Variants in CTBP1 observed in about 807,000 individuals in gnomAD.
The protein encoded by CTBP1 is C-terminal binding protein 1, also known as C-terminal-binding protein 1.
A neutral mutation model predicts 42.1 loss-of-function variants in CTBP1; 11 were observed. The observed-to-expected ratio is 0.26, with a 90% CI of 0.16 to 0.43. CTBP1 has a LOEUF of 0.43. CTBP1 is among the 20% of genes least tolerant of loss of function. CTBP1 has a pLI of 1.00. For missense variants in CTBP1, 399 were observed against 624.3 expected, an observed-to-expected ratio of 0.64 and a Z score of 3.85; for synonymous variants, 324 against 277.1, an observed-to-expected ratio of 1.17 and a Z score of -1.68.
chr4:1,216,876 C>G (rs1411111033), intron 5 of CTBP1: 1 of 155,776 alleles, frequency 6.4e-6, no homozygotes, highest in Non-Finnish European at 1.4e-5. Flanking sequence ...AGTGCTCGTG[C>G]CCACTGTGAG....
upstream of CTBP1, chr4:1,250,109 A>G (rs188651742): frequency 2.8e-4 from 45 of 163,212 alleles, no homozygotes; most frequent in Non-Finnish European, 1.8e-4. Flanking sequence ...GCATAATTTC[A>G]GAAACCACGG....
chr4:1,228,473 G>A, intron 3 of CTBP1, 130 bp from the exon 4 acceptor site: 1 of 1,148,298 alleles, frequency 8.7e-7, no homozygotes, highest in Non-Finnish European at 1.2e-6. Flanking sequence ...CACCAGCCCG[G>A]ACACTGGGAG....
intron 5 of CTBP1, chr4:1,216,645 G>A (rs1329404941): frequency 4.2e-6 from 1 of 236,746 alleles, no homozygotes; most frequent in East Asian, 1.1e-4. Flanking sequence ...ACTACGTGGA[G>A]ACGGCAAAGG....
chr4:1,212,691 A>C (rs531337218), intron 9 of CTBP1: 2 of 612,258 alleles, frequency 3.3e-6, no homozygotes, highest in East Asian at 5.6e-5. Flanking sequence ...TGCCCATGGC[A>C]CTCCTGTGTC....
chr4:1,243,760 C>G, intron 1 of CTBP1: 1 of 985,434 alleles, frequency 1.0e-6, no homozygotes, highest in Non-Finnish European at 1.2e-6. Context: ...CCACACACTC[C>G]GAGGTGAAGG....
chr4:1,240,861 A>T (rs1732105665), intron 2 of CTBP1, among the ~76,000 whole-genome samples: 1 of 152,136 alleles, frequency 6.6e-6, no homozygotes, highest in Non-Finnish European at 1.5e-5. Flanking sequence ...CAGGCTTTGC[A>T]GCATCCCCCA....
intron 5 of CTBP1, among the ~76,000 whole-genome samples, chr4:1,219,544 C>T (rs550790701): frequency 3.3e-5 from 5 of 152,332 alleles, no homozygotes; most frequent in South Asian, 4.1e-4. Context: ...CACATCAACA[C>T]GGTAACACCC....
At chr4:1,223,373 G>C in intron 5 of CTBP1, 1 of 449,768 alleles carries the variant, frequency 2.2e-6, no homozygotes, top group Non-Finnish European at 4.5e-6. Context: ...TCCAGGAAGA[G>C]ACAGGCACGT....
chr4:1,214,218 T>G (rs1728855399), intron 7 of CTBP1, 125 bp downstream of exon 7: 2 of 1,281,892 alleles, frequency 1.6e-6, no homozygotes, highest in Non-Finnish European at 2.0e-6. Flanking sequence ...ACTCCCCCAC[T>G]GCTGGCCAGC....
At chr4:1,248,863 C>CGCCCCGCCCCG (rs1314944491) in intron 1 of CTBP1, 53 bp downstream of exon 1, 1 of 889,722 alleles carries the variant, frequency 1.1e-6, no homozygotes, top group African/African-American at 1.9e-5. Flanking sequence ...GCGCGGCACC[C>CGCCCCGCCCCG]GCCCCGCCCC....
At chr4:1,218,816 A>T (rs890311475) in intron 5 of CTBP1, among the ~76,000 whole-genome samples, 1 of 152,174 alleles carries the variant, frequency 6.6e-6, no homozygotes, top group African/African-American at 2.4e-5. Flanking sequence ...AAAAAGCAAC[A>T]ACAGATGCAA....
rs927351378 is a variant in CTBP1 at position 1,245,135 on chromosome 4, G to A, written c.-188-3616C>T. On this transcript the variant is annotated intron_variant, in intron 1 of 9. Coordinates refer to ENST00000382952, the MANE Select transcript of CTBP1 (RefSeq NM_001012614.2). ...AGCACCCCAGACAGACACTGCCCAA[G>A]TCATCCACGAGCCGATACGGCACCT... 31 of 985,280 alleles carry A rather than the reference G, an allele frequency of 3.1e-5. No individual in the cohort carries two copies. In the African/African-American group the frequency reaches 4.7e-4, roughly 15 times the overall value. 61.0% of individuals were successfully genotyped at this position (985,280 alleles called of 1,614,324 possible).
rs563865952 is a variant in CTBP1, at chr4:1,228,132, A to G, written c.307+67T>C. ...TCCTCAGTGTGGCAGTGAAGCCTCC[A>G]TGGACGAAGCAAGACGGGACGGAGC... On this transcript the variant is annotated intron_variant, in intron 4 of 9. Coordinates refer to ENST00000382952, the MANE Select transcript of CTBP1 (RefSeq NM_001012614.2). 1.0e-5 allele frequency: 16 copies of G among 1,585,746 alleles called. No individual in the cohort carries two copies. In the South Asian group the frequency reaches 1.4e-4, roughly 14 times the overall value.
At chr4:1,217,971 A>G (rs1729322371) in intron 5 of CTBP1, 1 of 152,230 alleles carries the variant, frequency 6.6e-6, no homozygotes, top group African/African-American at 2.4e-5. Flanking sequence ...CCACATAGAA[A>G]TTCCAGAACG....
intron 3 of CTBP1, chr4:1,236,362 C>T: frequency 2.0e-6 from 1 of 497,762 alleles, no homozygotes; most frequent in East Asian, 3.7e-5. Flanking sequence ...CTGCTCACTG[C>T]TGGACCAAAG....
Position 1,238,464 on chromosome 4 carries a change from GTGA to G in CTBP1, c.8-130_8-128del. The G allele has an allele frequency of 8.9e-7, 1 of 1,120,158 alleles. No individual in the cohort carries two copies. The highest frequency in any genetic ancestry group is 2.6e-5 in the East Asian group (1 of 38,578). 69.4% of individuals were successfully genotyped at this position (1,120,158 alleles called of 1,614,324 possible). A position where few individuals can be genotyped will look rare whatever the true frequency, so the allele number is the denominator to read the frequency against. On this transcript the variant is annotated intron_variant, in intron 2 of 9. Transcript: ENST00000382952. The surrounding 1 kb of genome is among the most constrained non-coding windows in gnomAD (Gnocchi z 5.9). ...CCGGGGGTTTTCTGGTCTATATGTT[GTGA>G]TATTTGTAAAAAGTAAATTAAAAAT...
intron 3 of CTBP1, among the ~76,000 whole-genome samples, chr4:1,230,453 G>A (rs921015982): frequency 2.6e-5 from 4 of 152,234 alleles, no homozygotes; most frequent in Admixed American, 6.5e-5. Context: ...GAGGGGCTGC[G>A]CATGCGAGCG....
chr4:1,246,476 C>T (rs376384259), intron 1 of CTBP1, among the ~76,000 whole-genome samples: 1 of 152,216 alleles, frequency 6.6e-6, no homozygotes, highest in African/African-American at 2.4e-5. Flanking sequence ...GAGAGTCAAC[C>T]GGGGTAAACA....
At chr4:1,215,895 G>T in intron 6 of CTBP1, 96 bp downstream of exon 6, 1 of 1,339,460 alleles carries the variant, frequency 7.5e-7, no homozygotes, top group Non-Finnish European at 1.0e-6. Context: ...GCAGGGTCTT[G>T]CCCAGGTGCA....
Sources: gnomAD v4.1 joint callset for allele counts (sites outside exome capture counted in the v4.1 genomes callset) on GRCh38, gnomAD v4.1.1 for gene constraint, Gnocchi (gnomAD v3.1) non-coding constraint, MANE v1.5 for transcripts, NCBI Gene and HGNC (gene_info 2026-07-23, HGNC 2026-07-21) for gene names.